The following SDK1 variants were observed in gnomAD, a reference collection of about 807,000 sequenced individuals.
SDK1 encodes sidekick cell adhesion molecule 1.
A neutral mutation model predicts 245.5 loss-of-function variants in SDK1; 157 were observed. The ratio of observed to expected loss-of-function variants is 0.64; its 90% CI spans 0.56 to 0.73. SDK1 has a LOEUF of 0.73. SDK1 is among the 30% of genes least tolerant of loss of function. SDK1 has a pLI of 0.00. For synonymous variants in SDK1, 1,647 were observed against 1,278.5 expected (o/e 1.29, Z -6.15); for missense variants, 3,583 against 3,002.3 (o/e 1.19, Z -4.52).
chr7:3,812,776 T>C (rs903611990), intron 4 of SDK1, among the ~76,000 whole-genome samples: 8 of 152,202 alleles, frequency 5.3e-5, no homozygotes, highest in African/African-American at 1.9e-4. Context: ...GGCTTTCTCC[T>C]CTGAGCAAGC....
At chr7:3,489,413 AT>A (rs1781801968) in intron 1 of SDK1, among the ~76,000 whole-genome samples, 1 of 152,248 alleles carries the variant, frequency 6.6e-6, no homozygotes. Context: ...GCTGAAAATT[AT>A]TACTATAAAA....
intron 20 of SDK1, 47 bp from the exon 21 acceptor site, chr7:4,076,951 C>G (rs768396922): frequency 1.9e-6 from 3 of 1,543,484 alleles, no homozygotes; most frequent in Admixed American, 3.4e-5. Context: ...CAGGTGAGCC[C>G]TTGGCCTTCA....
chr7:3,392,134 C>T (rs1207013586), intron 1 of SDK1, among the ~76,000 whole-genome samples: 3 of 152,038 alleles, frequency 2.0e-5, no homozygotes, highest in East Asian at 1.9e-4. Flanking sequence ...AAATTCAGTT[C>T]TAATCAGTAA....
rs1359194978 is a variant in SDK1 at position 3,594,774 on chromosome 7, G to C, written c.299-24306G>C. Among the ~76,000 whole-genome samples the C allele has an allele frequency of 2.6e-5, 4 of 152,100 alleles. No individual in the cohort carries two copies. In the East Asian group the frequency reaches 7.7e-4, roughly 29 times the overall value. Reference sequence around the variant, plus strand: ...GTAAGAAAAATTGCTTACTGTTTTAGAGATAATACTGATATAAGAACCATC... The same window carrying C: ...GTAAGAAAAATTGCTTACTGTTTTACAGATAATACTGATATAAGAACCATC... On this transcript the variant is annotated intron_variant, in intron 1 of 44. Coordinates refer to ENST00000404826, the MANE Select transcript of SDK1 (RefSeq NM_152744.4).
chr7:3,427,871 C>G (rs1302076071), intron 1 of SDK1, among the ~76,000 whole-genome samples: 1 of 110,822 alleles, frequency 9.0e-6, no homozygotes, highest in East Asian at 1.9e-4. Flanking sequence ...TCGTTAGTGT[C>G]TCTTAGATGT....
chr7:3,547,683 C>G (rs1583151776), intron 1 of SDK1, among the ~76,000 whole-genome samples: 1 of 152,154 alleles, frequency 6.6e-6, no homozygotes, highest in East Asian at 1.9e-4. Flanking sequence ...CTCTGTAGAT[C>G]ACTGTTAATG....
intron 4 of SDK1, among the ~76,000 whole-genome samples, chr7:3,710,644 C>A (rs574003565): frequency 6.6e-6 from 1 of 152,212 alleles, no homozygotes; most frequent in African/African-American, 2.4e-5. Flanking sequence ...TGTGCTTCGA[C>A]ACTCTCGTAA....
intron 4 of SDK1, among the ~76,000 whole-genome samples, chr7:3,648,537 A>G (rs1782917794): frequency 6.6e-6 from 1 of 152,270 alleles, no homozygotes; most frequent in South Asian, 2.1e-4. Context: ...AGTCTGATTC[A>G]TAATTGTCCA....
intron 1 of SDK1, among the ~76,000 whole-genome samples, chr7:3,395,145 A>T (rs948938943): frequency 6.6e-6 from 1 of 151,968 alleles, no homozygotes; most frequent in Non-Finnish European, 1.5e-5. Flanking sequence ...TGCACATGTT[A>T]CCAGGTTCTA....
intron 31 of SDK1, among the ~76,000 whole-genome samples, chr7:4,159,855 C>T (rs78927279): frequency 0.013 from 1,983 of 152,322 alleles, 42 homozygotes; most frequent in African/African-American, 0.044. Context: ...CATGAGAGCT[C>T]CTACAATTAT....
intron 4 of SDK1, among the ~76,000 whole-genome samples, chr7:3,718,621 C>G (rs1020618457): frequency 4.6e-5 from 7 of 151,928 alleles, no homozygotes; most frequent in African/African-American, 1.7e-4. Flanking sequence ...AAATTCTCAG[C>G]AATCTAGTTA....
At chr7:3,410,649 C>G (rs189570726) in intron 1 of SDK1, among the ~76,000 whole-genome samples, 1 of 142,192 alleles carries the variant, frequency 7.0e-6, no homozygotes. Flanking sequence ...TGCAGTGGCA[C>G]GATCTCAGCT....
intron 1 of SDK1, among the ~76,000 whole-genome samples, chr7:3,492,089 C>G (rs1007512003): frequency 6.6e-6 from 1 of 152,178 alleles, no homozygotes; most frequent in Non-Finnish European, 1.5e-5. Context: ...TGTTATTTGG[C>G]AGGATAAAAC....
chr7:3,706,940 ATCTTT>A (rs1784908771), intron 4 of SDK1, among the ~76,000 whole-genome samples: 2 of 152,074 alleles, frequency 1.3e-5, no homozygotes, highest in South Asian at 2.1e-4. Flanking sequence ...GTTTATTTGA[ATCTTT>A]TCTTCTCTTG....
intron 5 of SDK1, among the ~76,000 whole-genome samples, chr7:3,896,022 G>A (rs1781596113): frequency 6.6e-6 from 1 of 152,080 alleles, no homozygotes; most frequent in African/African-American, 2.4e-5. Context: ...TATGTTCTGT[G>A]TGCACTTAAA....
chr7:3,721,395 G>C (rs1208679048), intron 4 of SDK1, among the ~76,000 whole-genome samples: 3 of 152,050 alleles, frequency 2.0e-5, no homozygotes, highest in Admixed American at 2.0e-4. Context: ...AGGATGAATG[G>C]GTTTCACTGT....
At chr7:4,185,049 G>A (rs557414026) in intron 35 of SDK1, among the ~76,000 whole-genome samples, 17 of 152,294 alleles carry the variant, frequency 1.1e-4, no homozygotes, top group Non-Finnish European at 2.4e-4. Context: ...TGCAGCCAAC[G>A]TCCTGAGGTG....
At chr7:4,098,866 T>A (rs1584124103) in intron 22 of SDK1, among the ~76,000 whole-genome samples, 1 of 119,400 alleles carries the variant, frequency 8.4e-6, no homozygotes, top group Non-Finnish European at 1.6e-5. Context: ...AGAGATGGGG[T>A]CTCCCTATGT....
intron 17 of SDK1, among the ~76,000 whole-genome samples, chr7:4,036,573 T>C (rs1315302682): frequency 6.6e-6 from 1 of 152,216 alleles, no homozygotes; most frequent in Admixed American, 6.5e-5. Context: ...ACGTACACGT[T>C]AGTATATGCC....
Sources: gnomAD v4.1 joint callset for allele counts (sites outside exome capture counted in the v4.1 genomes callset) on GRCh38, gnomAD v4.1.1 for gene constraint, MANE v1.5 for transcripts, NCBI Gene and HGNC (gene_info 2026-07-23, HGNC 2026-07-21) for gene names.